PDE1C: variants seen among roughly 807,000 people sequenced by gnomAD.
PDE1C encodes the protein phosphodiesterase 1C, also known as dual specificity calcium/calmodulin-dependent 3',5'-cyclic nucleotide phosphodiesterase 1C.
A neutral mutation model predicts 93.1 loss-of-function variants in PDE1C; 62 were observed. That is an observed-to-expected ratio of 0.67 (90% CI 0.54 to 0.82). The LOEUF is 0.82. Ranked by LOEUF, PDE1C falls within the 40% of genes least tolerant of loss-of-function variation. The pLI is 0.00. For missense variants in PDE1C, 742 were observed against 884.6 expected, an observed-to-expected ratio of 0.84 and a Z score of 2.04; for synonymous variants, 325 against 310.1, an observed-to-expected ratio of 1.05 and a Z score of -0.50.
At chr7:32,245,836 G>A (rs1021774230) in intron 1 of PDE1C, among the ~76,000 whole-genome samples, 33 of 152,086 alleles carry the variant, frequency 2.2e-4, no homozygotes, top group Non-Finnish European at 4.4e-4. Context: ...GCGCTCTGGG[G>A]TCTCTTTTGT....
chr7:31,970,152 A>T (rs569517687), intron 2 of PDE1C, among the ~76,000 whole-genome samples: 11 of 152,286 alleles, frequency 7.2e-5, no homozygotes, highest in African/African-American at 2.2e-4. Context: ...TAATAATAAA[A>T]TTTTTTTAAA....
chr7:31,945,030 T>A (rs1297560633), intron 2 of PDE1C, among the ~76,000 whole-genome samples: 1 of 152,184 alleles, frequency 6.6e-6, no homozygotes, highest in Non-Finnish European at 1.5e-5. Flanking sequence ...TACTTTATCA[T>A]TTTGATTATA....
chr7:32,160,135 C>T (rs1346310418), intron 3 of PDE1C, among the ~76,000 whole-genome samples: 1 of 152,072 alleles, frequency 6.6e-6, no homozygotes, highest in African/African-American at 2.4e-5. Flanking sequence ...TCAGATCACA[C>T]CTGCCAGCAG....
chr7:31,656,615 G>A, the PDE1C span: 1 of 421,236 alleles, frequency 2.4e-6, no homozygotes, highest in South Asian at 1.0e-4. Context: ...TCAGTCTCAG[G>A]AGACAATGAA....
intron 2 of PDE1C, among the ~76,000 whole-genome samples, chr7:31,945,626 A>G (rs547176018): frequency 6.6e-5 from 10 of 152,298 alleles, no homozygotes; most frequent in South Asian, 6.2e-4. Context: ...GGAAGATTGA[A>G]TATGATAAGC....
chr7:32,381,675 C>T (rs907866169), intron 1 of PDE1C, among the ~76,000 whole-genome samples: 2 of 152,222 alleles, frequency 1.3e-5, no homozygotes, highest in Admixed American at 6.5e-5. Context: ...TTTCAAGTCT[C>T]TTAGGCAGAG....
intron 17 of PDE1C, among the ~76,000 whole-genome samples, chr7:31,772,356 G>C (rs1217845594): frequency 6.6e-6 from 1 of 152,108 alleles, no homozygotes; most frequent in Non-Finnish European, 1.5e-5. Flanking sequence ...TCCACCCCAT[G>C]TCCTGTATTC....
intron 2 of PDE1C, among the ~76,000 whole-genome samples, chr7:31,942,032 A>T: frequency 6.6e-6 from 1 of 152,224 alleles, no homozygotes; most frequent in East Asian, 1.9e-4. Context: ...TCATTCTGTG[A>T]AACAGGTACC....
chr7:32,301,586 T>C (rs1347978940), upstream of PDE1C, among the ~76,000 whole-genome samples: 1 of 152,256 alleles, frequency 6.6e-6, no homozygotes, highest in East Asian at 1.9e-4. Context: ...TAAAACGCAC[T>C]GCTTCAAGTG....
At chr7:31,974,631 CAGGG>C (rs1563129112) in intron 2 of PDE1C, among the ~76,000 whole-genome samples, 1 of 151,512 alleles carries the variant, frequency 6.6e-6, no homozygotes, top group Non-Finnish European at 1.5e-5. Flanking sequence ...GGATAAAAGG[CAGGG>C]AGGGAGGGAG....
At chr7:31,902,695 C>T (rs1451715222) in intron 2 of PDE1C, among the ~76,000 whole-genome samples, 2 of 151,646 alleles carry the variant, frequency 1.3e-5, no homozygotes, top group Non-Finnish European at 3.0e-5. Context: ...TGATTAAAAA[C>T]ATTATTGTAA....
At chr7:32,349,207 C>CCAT (rs1783911512) in intron 1 of PDE1C, among the ~76,000 whole-genome samples, 1 of 152,126 alleles carries the variant, frequency 6.6e-6, no homozygotes, top group Non-Finnish European at 1.5e-5. Context: ...CCAAATATTA[C>CCAT]TCCATTCAGT....
At chr7:31,917,742 A>G (rs10233901) in intron 2 of PDE1C, among the ~76,000 whole-genome samples, 15,036 of 152,194 alleles carry the variant, frequency 0.099, 956 homozygotes, top group Admixed American at 0.21. Context: ...ATAATCCTTC[A>G]TGTTTCTTCC....
chr7:32,131,956 AGTAATGT>A (rs1200973695), intron 3 of PDE1C, among the ~76,000 whole-genome samples: 1 of 152,192 alleles, frequency 6.6e-6, no homozygotes, highest in Non-Finnish European at 1.5e-5. Context: ...TAGTAGTAGT[AGTAATGT>A]GCAATGGCAA....
chr7:32,303,550 CT>C (rs1462151231), upstream of PDE1C, among the ~76,000 whole-genome samples: 2 of 152,280 alleles, frequency 1.3e-5, no homozygotes, highest in East Asian at 3.9e-4. Context: ...TTTCATTTTA[CT>C]TCTACCTTAT....
intron 1 of PDE1C, among the ~76,000 whole-genome samples, chr7:32,395,523 G>A (rs1784826355): frequency 6.6e-6 from 1 of 152,178 alleles, no homozygotes. Context: ...GTGGACAGGT[G>A]CGCAGAAGCC....
chr7:32,307,350 G>A (rs1414083013), intron 1 of PDE1C, among the ~76,000 whole-genome samples: 1 of 151,956 alleles, frequency 6.6e-6, no homozygotes, highest in Non-Finnish European at 1.5e-5. Flanking sequence ...GGCCAGGGGA[G>A]GAAGAGAAAA....
intron 1 of PDE1C, among the ~76,000 whole-genome samples, chr7:32,423,658 G>A (rs994002392): frequency 2.0e-5 from 3 of 152,132 alleles, no homozygotes; most frequent in Non-Finnish European, 4.4e-5. Flanking sequence ...GTATCTGAGA[G>A]GACCCAGCTA....
intron 3 of PDE1C, among the ~76,000 whole-genome samples, chr7:32,093,480 C>T (rs1404458390): frequency 6.6e-6 from 1 of 152,220 alleles, no homozygotes; most frequent in Admixed American, 6.5e-5. Flanking sequence ...GGCCCAGTAT[C>T]TTGTTGAGGG....
Sources: gnomAD v4.1 joint callset for allele counts (sites outside exome capture counted in the v4.1 genomes callset) on GRCh38, gnomAD v4.1.1 for gene constraint, MANE v1.5 for transcripts, NCBI Gene and HGNC (gene_info 2026-07-23, HGNC 2026-07-21) for gene names.